CDH8: variants seen among roughly 807,000 people sequenced by gnomAD.
CDH8 encodes the protein cadherin 8, also known as cadherin-8.
In CDH8, 17 loss-of-function variants were observed where a neutral mutation model predicts 68.1. The observed-to-expected ratio is 0.25, with a 90% CI of 0.17 to 0.37. The LOEUF (loss-of-function observed/expected upper bound fraction) is 0.37. Ranked by LOEUF, CDH8 falls within the 10% of genes least tolerant of loss-of-function variation. The pLI, the probability that CDH8 is intolerant of heterozygous loss-of-function variation, is 1.00. For missense variants in CDH8, 763 were observed against 999.3 expected, an observed-to-expected ratio of 0.76 and a Z score of 3.19; for synonymous variants, 372 against 365.1, an observed-to-expected ratio of 1.02 and a Z score of -0.21.
chr16:61,677,124 T>C (rs1192807921), intron 10 of CDH8, among the ~76,000 whole-genome samples: 1 of 151,704 alleles, frequency 6.6e-6, no homozygotes, highest in East Asian at 1.9e-4. Context: ...GCCTGGAAAA[T>C]TGGGGTATGT....
In CDH8 at chr16:61,655,631, C is replaced by T; in HGVS notation, c.1745G>A (p.Gly582Glu). Reference sequence around the variant, plus strand: ...GCTAGTGCTGCTCAGTGGAGGATTTCCACTATCACTGATTATGATTGGTAA... The same window carrying T: ...GCTAGTGCTGCTCAGTGGAGGATTTTCACTATCACTGATTATGATTGGTAA... ...YLLPIIISDS[G>E]NPPLSSTSTL... Residue 582 changes from glycine (G) to glutamate (E), a missense_variant, in exon 11 of 12, where the codon GGA (glycine) becomes GAA (glutamate). Transcript: ENST00000577390. 1 of 1,614,064 alleles carries T rather than the reference C, an allele frequency of 6.2e-7. No individual in the cohort carries two copies. The highest frequency in any genetic ancestry group is 8.5e-7 in the Non-Finnish European group (1 of 1,179,922).
intron 7 of CDH8, among the ~76,000 whole-genome samples, chr16:61,799,990 C>T (rs2142996788): frequency 6.6e-6 from 1 of 152,240 alleles, no homozygotes; most frequent in East Asian, 1.9e-4. Context: ...CTCACTGTCA[C>T]CTTCACTTCC....
intron 10 of CDH8, among the ~76,000 whole-genome samples, chr16:61,672,863 C>A (rs1963825870): frequency 6.6e-6 from 1 of 152,000 alleles, no homozygotes; most frequent in African/African-American, 2.4e-5. Context: ...AAGTGGTTTT[C>A]AAGCAAATGT....
intron 2 of CDH8, among the ~76,000 whole-genome samples, chr16:61,927,802 T>G (rs1450237100): frequency 4.6e-5 from 7 of 152,236 alleles, no homozygotes; most frequent in Admixed American, 2.6e-4. Context: ...CGCATGATAC[T>G]GAAGCCTCAA....
intron 10 of CDH8, among the ~76,000 whole-genome samples, chr16:61,664,739 T>C (rs1447017374): frequency 6.6e-6 from 1 of 152,012 alleles, no homozygotes; most frequent in Admixed American, 6.6e-5. Context: ...ATTAAAATAT[T>C]GAGAATACCA....
intron 10 of CDH8, among the ~76,000 whole-genome samples, chr16:61,660,563 A>T (rs1023854240): frequency 5.9e-5 from 9 of 151,788 alleles, no homozygotes; most frequent in South Asian, 4.2e-4. Context: ...AACCTGAATT[A>T]AAAAAAATAG....
rs1963958946 is a variant in CDH8, at chr16:61,678,631, A to T, written c.1655-22910T>A. 2.0e-5 allele frequency among the ~76,000 whole-genome samples: 3 copies of T among 152,024 alleles called. No homozygotes were observed. In the South Asian group the frequency reaches 6.2e-4, roughly 31 times the overall value. On this transcript the variant is annotated intron_variant, in intron 10 of 11. Coordinates refer to ENST00000577390, the MANE Select transcript of CDH8 (RefSeq NM_001796.5). The stretch of plus-strand genomic sequence containing the variant: ...CCATGGTGGTTTGCTGCACCCATCA[A>T]CCAAAAGAACAAAGCTGGAGGTATC...
intron 7 of CDH8, among the ~76,000 whole-genome samples, chr16:61,812,196 A>G (rs2142999230): frequency 6.6e-6 from 1 of 152,266 alleles, no homozygotes; most frequent in South Asian, 2.1e-4. Flanking sequence ...AGTATGAAAT[A>G]TTTTCACTTT....
At chr16:61,773,961 G>A (rs2142989265) in intron 8 of CDH8, among the ~76,000 whole-genome samples, 1 of 152,146 alleles carries the variant, frequency 6.6e-6, no homozygotes, top group Non-Finnish European at 1.5e-5. Context: ...TCCATCATCT[G>A]GCTAAGGGGA....
At chr16:62,035,518 G>T (rs925523057) in intron 1 of CDH8, among the ~76,000 whole-genome samples, 3 of 152,158 alleles carry the variant, frequency 2.0e-5, no homozygotes, top group Admixed American at 6.5e-5. Flanking sequence ...AAAGCCTCGC[G>T]CTGGGGCTTT....
At chr16:61,819,773 C>T (rs1717719976) in intron 6 of CDH8, among the ~76,000 whole-genome samples, 1 of 152,012 alleles carries the variant, frequency 6.6e-6, no homozygotes, top group South Asian at 2.1e-4. Flanking sequence ...GTCATATCTA[C>T]ATAATGCTGA....
intron 2 of CDH8, among the ~76,000 whole-genome samples, chr16:61,968,697 A>G (rs1308876439): frequency 1.3e-5 from 2 of 152,198 alleles, no homozygotes; most frequent in African/African-American, 2.4e-5. Context: ...CATTGACTGG[A>G]TTCATAAATT....
chr16:61,852,530 T>G (rs980989482), intron 4 of CDH8, among the ~76,000 whole-genome samples: 20 of 152,102 alleles, frequency 1.3e-4, no homozygotes, highest in Non-Finnish European at 2.9e-4. Context: ...TTGCAAATAC[T>G]AGAATAGCAT....
At chr16:61,769,951 G>A (rs1960735331) in intron 8 of CDH8, among the ~76,000 whole-genome samples, 1 of 151,812 alleles carries the variant, frequency 6.6e-6, no homozygotes, top group Non-Finnish European at 1.5e-5. Context: ...TTGAAACTCT[G>A]TACAAAGATG....
intron 2 of CDH8, among the ~76,000 whole-genome samples, chr16:61,932,546 C>A (rs917665378): frequency 1.3e-5 from 2 of 152,114 alleles, no homozygotes; most frequent in African/African-American, 4.8e-5. Flanking sequence ...CTCTCTCAGG[C>A]ATACAGTAAA....
At chr16:61,779,469 G>GCT (rs1960991864) in intron 8 of CDH8, among the ~76,000 whole-genome samples, 1 of 139,218 alleles carries the variant, frequency 7.2e-6, no homozygotes, top group African/African-American at 2.8e-5. Context: ...GTGTGTGCGC[G>GCT]CATGGTGAGG....
At chr16:61,862,473 C>T (rs1166021235) in intron 3 of CDH8, among the ~76,000 whole-genome samples, 1 of 152,138 alleles carries the variant, frequency 6.6e-6, no homozygotes, top group African/African-American at 2.4e-5. Context: ...TGTACTCATC[C>T]AGAATATTTC....
chr16:61,678,066 C>A lies in CDH8; in HGVS notation c.1655-22345G>T, dbSNP rs150668600. Among the ~76,000 whole-genome samples, 180 of 152,092 alleles carry A rather than the reference C, an allele frequency of 1.2e-3. 2 individuals are homozygous for A. In the East Asian group the frequency reaches 0.03, roughly 25 times the overall value. ...GACGTTCCTTTCTATTGTTAATAAC[C>A]CTTTCATCCAATTGCTAATCAGAAA... On this transcript the variant is annotated intron_variant, in intron 10 of 11. Coordinates refer to ENST00000577390, the MANE Select transcript of CDH8 (RefSeq NM_001796.5).
At chr16:62,012,767 G>C (rs887976931) in intron 2 of CDH8, among the ~76,000 whole-genome samples, 1 of 152,048 alleles carries the variant, frequency 6.6e-6, no homozygotes, top group African/African-American at 2.4e-5. Flanking sequence ...TTGCGGTATA[G>C]TTACTAATCT....
Sources: gnomAD v4.1 joint callset for allele counts (sites outside exome capture counted in the v4.1 genomes callset) on GRCh38, gnomAD v4.1.1 for gene constraint, MANE v1.5 for transcripts, NCBI Gene and HGNC (gene_info 2026-07-23, HGNC 2026-07-21) for gene names.